The following FAT3 variants were observed in gnomAD, a reference collection of about 807,000 sequenced individuals.
FAT3 encodes the protein protocadherin Fat 3.
Under a neutral mutation model 310.2 loss-of-function variants are expected in FAT3, and 95 were observed. The ratio of observed to expected loss-of-function variants is 0.31; its 90% confidence interval spans 0.26 to 0.36. The LOEUF is 0.36. Among genes scored for constraint, FAT3 ranks in the 10% least tolerant of loss-of-function variants. FAT3 has a pLI of 1.00. For missense variants in FAT3, 5,408 were observed against 5,715.6 expected (o/e 0.95, Z 1.74); for synonymous variants, 2,314 against 2,192.9 (o/e 1.06, Z -1.54).
chr11:92,779,750 CAG>C (rs1946692041), intron 7 of FAT3, among the ~76,000 whole-genome samples: 1 of 152,084 alleles, frequency 6.6e-6, no homozygotes, highest in South Asian at 2.1e-4. Flanking sequence ...TCTTAAGACA[CAG>C]AGAGGATCCT....
At chr11:92,415,760 T>C (rs933652593) in intron 2 of FAT3, among the ~76,000 whole-genome samples, 2 of 152,058 alleles carry the variant, frequency 1.3e-5, no homozygotes, top group Admixed American at 6.6e-5. Context: ...TGAAATGTAC[T>C]TTATTATAGC....
At chr11:92,855,833 A>G (rs975000990) in intron 19 of FAT3, among the ~76,000 whole-genome samples, 5 of 152,340 alleles carry the variant, frequency 3.3e-5, no homozygotes, top group Admixed American at 2.0e-4. Context: ...AAACCAGTGG[A>G]AAATGGGATT....
chr11:92,342,898 T>C (rs1565240281), intron 1 of FAT3, among the ~76,000 whole-genome samples: 1 of 152,100 alleles, frequency 6.6e-6, no homozygotes, highest in South Asian at 2.1e-4. Flanking sequence ...TTTTCTCTTA[T>C]ACCATGATGA....
At chr11:92,670,751 G>C (rs1339369239) in intron 3 of FAT3, among the ~76,000 whole-genome samples, 1 of 152,168 alleles carries the variant, frequency 6.6e-6, no homozygotes, top group Non-Finnish European at 1.5e-5. Context: ...TTTTATAAAT[G>C]GGTCACACCT....
intron 2 of FAT3, among the ~76,000 whole-genome samples, chr11:92,504,396 G>A (rs867547805): frequency 9.2e-5 from 14 of 152,184 alleles, no homozygotes; most frequent in African/African-American, 3.1e-4. Context: ...AACTTTGATA[G>A]CAGAAACAGA....
intron 2 of FAT3, among the ~76,000 whole-genome samples, chr11:92,414,404 T>C (rs1428473529): frequency 2.0e-5 from 3 of 152,228 alleles, no homozygotes; most frequent in Non-Finnish European, 4.4e-5. Flanking sequence ...CAGAGTACTT[T>C]AAGTCAATTA....
intron 4 of FAT3, among the ~76,000 whole-genome samples, chr11:92,713,069 A>G (rs1944574409): frequency 6.6e-6 from 1 of 152,198 alleles, no homozygotes; most frequent in Non-Finnish European, 1.5e-5. Flanking sequence ...TTAAAGTCTG[A>G]CATAAGAGAT....
chr11:92,802,512 G>C (rs1178566333), intron 10 of FAT3, among the ~76,000 whole-genome samples: 1 of 152,156 alleles, frequency 6.6e-6, no homozygotes, highest in Non-Finnish European at 1.5e-5. Flanking sequence ...GGAAAGCCAA[G>C]ATAGACAAAG....
intron 3 of FAT3, among the ~76,000 whole-genome samples, chr11:92,670,836 T>C (rs1197855458): frequency 6.6e-6 from 1 of 152,192 alleles, no homozygotes; most frequent in African/African-American, 2.4e-5. Context: ...AGCTGGAGCT[T>C]ATTCACAGGC....
chr11:92,773,215 G>T (rs1301283793), intron 6 of FAT3, among the ~76,000 whole-genome samples: 2 of 152,174 alleles, frequency 1.3e-5, no homozygotes, highest in Non-Finnish European at 2.9e-5. Flanking sequence ...AACATCAGCA[G>T]TGATTTCAAC....
chr11:92,754,700 C>CAAA (rs34387938), intron 4 of FAT3, among the ~76,000 whole-genome samples: 11 of 90,474 alleles, frequency 1.2e-4, no homozygotes, highest in African/African-American at 4.5e-4. Context: ...ACTAAAAATA[C>CAAA]AAAAAAAAAA....
chr11:92,821,552 G>T (rs1947967740), intron 13 of FAT3, among the ~76,000 whole-genome samples: 1 of 152,138 alleles, frequency 6.6e-6, no homozygotes, highest in Non-Finnish European at 1.5e-5. Flanking sequence ...CCTCCCTACA[G>T]ACTGAAAAAC....
At position 92,354,435 on chromosome 11, in the gene FAT3, A is replaced by G. The variant is rs1455202526; in HGVS notation, c.2323A>G (p.Asn775Asp). Reference protein sequence around the residue: ...ISDGNTDSCFNIDMETGQLKV... With the variant: ...ISDGNTDSCFDIDMETGQLKV... Reference sequence around the variant, plus strand: ...AGATGGAAATACGGATAGTTGCTTTAATATTGATATGGAGACTGGGCAGCT... The same window carrying G: ...AGATGGAAATACGGATAGTTGCTTTGATATTGATATGGAGACTGGGCAGCT... Residue 775 changes from asparagine (N) to aspartate (D), a missense_variant, in exon 2 of 28, where the codon AAT becomes GAT. Physicochemically the swap from Asn to Asp is conservative, Grantham distance 23. This residue lies in a region of FAT3 where 4,588 missense variants were observed against 4,809.8 expected (regional missense o/e 0.95). Transcript: ENST00000525166. The G allele has an allele frequency of 2.5e-5, 40 of 1,613,778 alleles. No individual in the cohort carries two copies. The highest frequency in any genetic ancestry group is 3.4e-5 in the Non-Finnish European group (40 of 1,179,876).
At chr11:92,450,840 GCTTTCAGTATGGCCC>G (rs1375387867) in intron 2 of FAT3, among the ~76,000 whole-genome samples, 1 of 152,138 alleles carries the variant, frequency 6.6e-6, no homozygotes, top group Non-Finnish European at 1.5e-5. Flanking sequence ...TAGAAACTAG[GCTTTCAGTATGGCCC>G]CTTTTAATTG....
intron 1 of FAT3, among the ~76,000 whole-genome samples, chr11:92,289,932 ACT>A (rs1231916340): frequency 7.2e-5 from 11 of 151,828 alleles, no homozygotes; most frequent in African/African-American, 2.4e-4. Flanking sequence ...CTTTGCAAAG[ACT>A]CTACAGAATC....
At chr11:92,709,496 C>T (rs1395521811) in intron 4 of FAT3, among the ~76,000 whole-genome samples, 2 of 152,196 alleles carry the variant, frequency 1.3e-5, no homozygotes, top group Non-Finnish European at 2.9e-5. Flanking sequence ...AATCCTCTGT[C>T]TTCCTGGCCC....
intron 19 of FAT3, among the ~76,000 whole-genome samples, chr11:92,848,348 G>A (rs1016545336): frequency 5.3e-5 from 8 of 152,168 alleles, no homozygotes; most frequent in Admixed American, 5.2e-4. Context: ...GTTGTGAGGT[G>A]GTTCCTGGTG....
At chr11:92,601,572 G>T (rs918031545) in intron 3 of FAT3, among the ~76,000 whole-genome samples, 2 of 152,100 alleles carry the variant, frequency 1.3e-5, no homozygotes, top group African/African-American at 2.4e-5. Flanking sequence ...ACTCCAGCCT[G>T]GATGACCGAG....
At chr11:92,621,961 G>A (rs1428335854) in intron 3 of FAT3, among the ~76,000 whole-genome samples, 2 of 152,038 alleles carry the variant, frequency 1.3e-5, no homozygotes, top group African/African-American at 2.4e-5. Flanking sequence ...CACGTAATTC[G>A]AATGCATTGA....
Sources: gnomAD v4.1 joint callset for allele counts (sites outside exome capture counted in the v4.1 genomes callset) on GRCh38, gnomAD v4.1.1 for gene constraint, gnomAD v4.1.1 regional missense constraint, MANE v1.5 for transcripts, NCBI Gene and HGNC (gene_info 2026-07-23, HGNC 2026-07-21) for gene names.